Variants in CTXND1 observed in about 807,000 individuals in gnomAD.
CTXND1 encodes cortexin domain-containing 1 protein.
intron 1 of CTXND1, among the ~76,000 whole-genome samples, chr15:80,249,643 A>C (rs1893671700): frequency 2.0e-5 from 3 of 152,250 alleles, no homozygotes; most frequent in Admixed American, 1.3e-4. Context: ...CATCTGACTT[A>C]GTGGCAGAGC....
At chr15:80,244,074 T>C (rs1267299465) in intron 1 of CTXND1, among the ~76,000 whole-genome samples, 2 of 152,206 alleles carry the variant, frequency 1.3e-5, no homozygotes, top group African/African-American at 4.8e-5. Context: ...GGAGGGAAGA[T>C]TGACTTTTCC....
intron 1 of CTXND1, among the ~76,000 whole-genome samples, chr15:80,229,404 C>A (rs1170287009): frequency 6.6e-6 from 1 of 152,190 alleles, no homozygotes; most frequent in Non-Finnish European, 1.5e-5. Flanking sequence ...TGAGAATGGA[C>A]TCCCTTGGAG....
At chr15:80,222,523 T>G (rs1893329337) in intron 1 of CTXND1, among the ~76,000 whole-genome samples, 1 of 152,206 alleles carries the variant, frequency 6.6e-6, no homozygotes. Context: ...TTTTCCCCAA[T>G]TATCTCAAAA....
intron 1 of CTXND1, among the ~76,000 whole-genome samples, chr15:80,234,476 CTTTT>C (rs5814009): frequency 7.5e-6 from 1 of 133,758 alleles, no homozygotes; most frequent in Non-Finnish European, 1.6e-5. Flanking sequence ...TGAACATGCC[CTTTT>C]TTTTTTTTTT....
At chr15:80,204,381 A>G (rs1893124883) in intron 1 of CTXND1, among the ~76,000 whole-genome samples, 2 of 150,618 alleles carry the variant, frequency 1.3e-5, no homozygotes, top group African/African-American at 4.9e-5. Context: ...GCTGCCATCC[A>G]TCTCCAGAAC....
At chr15:80,246,966 C>T (rs1893638313) in intron 1 of CTXND1, among the ~76,000 whole-genome samples, 1 of 152,286 alleles carries the variant, frequency 6.6e-6, no homozygotes, top group South Asian at 2.1e-4. Flanking sequence ...GTGTGACAAG[C>T]ACGGTGCTGG....
rs189927264 is a variant in CTXND1 at position 80,233,131 on chromosome 15, G to A, written c.-218+18876C>T. On this transcript the variant is annotated intron_variant, in intron 1 of 2. Transcript: ENST00000560778. ...TAATTTTTGTATTTTTAGTAGAGAC[G>A]GGTTTCACCCTCTTGGCCAGGCTGG... is the stretch of plus-strand genomic sequence containing the variant. Among the ~76,000 whole-genome samples the A allele has an allele frequency of 3.3e-3, 494 of 151,904 alleles. 2 individuals carry two copies. The highest frequency in any genetic ancestry group is 5.5e-3 in the Non-Finnish European group (377 of 67,976).
intron 1 of CTXND1, among the ~76,000 whole-genome samples, chr15:80,248,892 C>G (rs568625780): frequency 1.3e-5 from 2 of 152,260 alleles, no homozygotes; most frequent in African/African-American, 4.8e-5. Flanking sequence ...TTACCCATGT[C>G]TGCCACCAGG....
rs1481258119 is a variant in CTXND1, at chr15:80,198,535, G to A, written c.*3235C>T. The A allele has an allele frequency of 6.6e-6, 1 of 152,204 alleles. No homozygotes were observed. The highest frequency in any genetic ancestry group is 2.1e-4 in the South Asian group (1 of 4,832). The allele number at this position is 152,204 out of a possible 1,614,324, so 9.4% of individuals were successfully genotyped here. On this transcript the variant is annotated 3_prime_UTR_variant, in exon 3 of 3. Coordinates refer to ENST00000560778, the MANE Select transcript of CTXND1 (RefSeq NM_001352888.2). Reference sequence around the variant, plus strand: ...TAGCTTGCCAGAAACGAGTTGAGACGCTCTGATCACAAAGGACCATCTCCT... The same window carrying A: ...TAGCTTGCCAGAAACGAGTTGAGACACTCTGATCACAAAGGACCATCTCCT...
intron 1 of CTXND1, among the ~76,000 whole-genome samples, chr15:80,244,195 G>A (rs1567135918): frequency 6.6e-6 from 1 of 152,210 alleles, no homozygotes; most frequent in Non-Finnish European, 1.5e-5. Flanking sequence ...CTGAACGTAA[G>A]TAATCCTACT....
At chr15:80,247,955 T>C (rs1893652797) in intron 1 of CTXND1, among the ~76,000 whole-genome samples, 1 of 152,182 alleles carries the variant, frequency 6.6e-6, no homozygotes, top group African/African-American at 2.4e-5. Flanking sequence ...TCAAGTCAAT[T>C]GACCTAGCGA....
At chr15:80,218,579 A>T (rs559379114) in intron 1 of CTXND1, among the ~76,000 whole-genome samples, 1 of 152,066 alleles carries the variant, frequency 6.6e-6, no homozygotes, top group African/African-American at 2.4e-5. Flanking sequence ...TTTCCAATGA[A>T]TTGTTTTCTT....
At position 80,236,413 on chromosome 15, in the gene CTXND1, G is replaced by A. The variant is rs568407978; in HGVS notation, c.-218+15594C>T. Among the ~76,000 whole-genome samples, 6 of 152,280 alleles carry A rather than the reference G, an allele frequency of 3.9e-5. No homozygotes were observed. In the East Asian group the frequency reaches 1.2e-3, roughly 29 times the overall value. On this transcript the variant is annotated intron_variant, in intron 1 of 2. Coordinates refer to ENST00000560778, the MANE Select transcript of CTXND1 (RefSeq NM_001352888.2). The stretch of plus-strand genomic sequence containing the variant: ...ATGACAGGCAGAATTGAGTAGTTGG[G>A]ACAGACACTACCTAGATTTGCAGTC...
intron 1 of CTXND1, among the ~76,000 whole-genome samples, chr15:80,233,687 G>A (rs539968044): frequency 1.3e-5 from 2 of 152,296 alleles, no homozygotes; most frequent in South Asian, 4.1e-4. Flanking sequence ...AGCTAGACAA[G>A]CCCACTTCCC....
At chr15:80,213,088 T>C (rs1039891823) in intron 1 of CTXND1, among the ~76,000 whole-genome samples, 1 of 152,236 alleles carries the variant, frequency 6.6e-6, no homozygotes, top group African/African-American at 2.4e-5. Context: ...ACTGTTATCC[T>C]ATGCTTGTCC....
chr15:80,213,691 A>T (rs1472448407), intron 1 of CTXND1, among the ~76,000 whole-genome samples: 1 of 152,236 alleles, frequency 6.6e-6, no homozygotes, highest in Non-Finnish European at 1.5e-5. Context: ...GGGGAAGAAA[A>T]TTATGTTAAC....
chr15:80,207,332 G>A (rs1893158089), intron 1 of CTXND1, among the ~76,000 whole-genome samples: 1 of 149,192 alleles, frequency 6.7e-6, no homozygotes, highest in Non-Finnish European at 1.5e-5. Flanking sequence ...ATATTTTTAT[G>A]AACTAACTTC....
At chr15:80,251,343 C>T (rs1893694677) in intron 1 of CTXND1, among the ~76,000 whole-genome samples, 1 of 152,160 alleles carries the variant, frequency 6.6e-6, no homozygotes, top group Non-Finnish European at 1.5e-5. Flanking sequence ...TATATGAAAG[C>T]GTGGATTAGG....
intron 1 of CTXND1, among the ~76,000 whole-genome samples, chr15:80,240,578 G>A (rs1037460011): frequency 4.0e-5 from 6 of 148,908 alleles, no homozygotes; most frequent in East Asian, 2.0e-4. Flanking sequence ...TGTGTAGAGC[G>A]GAAAGCCTCT....
Sources: gnomAD v4.1 joint callset for allele counts (sites outside exome capture counted in the v4.1 genomes callset) on GRCh38, gnomAD v4.1.1 for gene constraint, MANE v1.5 for transcripts, NCBI Gene and HGNC (gene_info 2026-07-23, HGNC 2026-07-21) for gene names.